EIF2AK2: variants seen among roughly 807,000 people sequenced by gnomAD.
EIF2AK2 encodes the protein interferon-induced, double-stranded RNA-activated protein kinase.
A neutral mutation model predicts 70.5 loss-of-function variants in EIF2AK2; 40 were observed. That is an observed-to-expected ratio of 0.57 (90% CI 0.44 to 0.74). EIF2AK2 has a LOEUF of 0.74. EIF2AK2 is among the 30% of genes least tolerant of loss of function. The pLI is 0.00. For synonymous variants in EIF2AK2, 198 were observed against 220.9 expected (o/e 0.90, Z 0.92); for missense variants, 555 against 644.3 (o/e 0.86, Z 1.50).
At chr2:37,146,627 G>A (rs1419886128) in intron 4 of EIF2AK2, among the ~76,000 whole-genome samples, 1 of 152,142 alleles carries the variant, frequency 6.6e-6, no homozygotes. Context: ...TTTAACTGCT[G>A]CTGACACTCT....
At chr2:37,155,652 T>C (rs934510596) in intron 1 of EIF2AK2, among the ~76,000 whole-genome samples, 3 of 152,174 alleles carry the variant, frequency 2.0e-5, no homozygotes, top group Non-Finnish European at 4.4e-5. Context: ...GAAACCTCCA[T>C]CATAATCACT....
chr2:37,119,579 C>T (rs1674463186), intron 13 of EIF2AK2, among the ~76,000 whole-genome samples: 2 of 151,256 alleles, frequency 1.3e-5, no homozygotes, highest in South Asian at 4.2e-4. Context: ...ATCTATCTAT[C>T]TTATTTTATA....
At chr2:37,129,954 C>A (rs904567754) in intron 10 of EIF2AK2, among the ~76,000 whole-genome samples, 1 of 152,194 alleles carries the variant, frequency 6.6e-6, no homozygotes, top group Non-Finnish European at 1.5e-5. Context: ...GTATGGAACA[C>A]TGACTCCCCC....
intron 6 of EIF2AK2, among the ~76,000 whole-genome samples, chr2:37,139,356 C>G (rs1675246342): frequency 6.6e-6 from 1 of 151,814 alleles, no homozygotes; most frequent in African/African-American, 2.4e-5. Flanking sequence ...GGAGATCCAC[C>G]TGCCTTGGCC....
chr2:37,116,699 G>C (rs1321649257), intron 13 of EIF2AK2, among the ~76,000 whole-genome samples: 4 of 152,234 alleles, frequency 2.6e-5, no homozygotes, highest in Non-Finnish European at 5.9e-5. Context: ...GAAAGCTGTA[G>C]ACAGATGTGG....
At chr2:37,145,818 C>G (rs370575762) in intron 4 of EIF2AK2, among the ~76,000 whole-genome samples, 1 of 129,232 alleles carries the variant, frequency 7.7e-6, no homozygotes, top group African/African-American at 2.9e-5. Context: ...AGTGGCACAA[C>G]CTCAGCTCAC....
intron 1 of EIF2AK2, among the ~76,000 whole-genome samples, chr2:37,154,337 C>A (rs537719784): frequency 0.011 from 1,554 of 138,570 alleles, 27 homozygotes; most frequent in African/African-American, 0.036. Flanking sequence ...AAAAAAAAAA[C>A]AAAAACAAAA....
intron 4 of EIF2AK2, among the ~76,000 whole-genome samples, chr2:37,142,263 T>G (rs1200231451): frequency 6.6e-6 from 1 of 152,110 alleles, no homozygotes; most frequent in African/African-American, 2.4e-5. Context: ...CACAAGCACC[T>G]GGAACTACAG....
intron 9 of EIF2AK2, 38 bp downstream of exon 9, chr2:37,136,945 T>C: frequency 6.4e-7 from 1 of 1,573,476 alleles, no homozygotes; most frequent in Non-Finnish European, 8.6e-7. Context: ...GAAATAAAAC[T>C]TCAGATCAAA....
chr2:37,136,150 TG>T (rs1675120156), intron 9 of EIF2AK2, among the ~76,000 whole-genome samples: 1 of 152,188 alleles, frequency 6.6e-6, no homozygotes, highest in Admixed American at 6.5e-5. Context: ...CACCTGCAAA[TG>T]GAAGTTTAAA....
intron 10 of EIF2AK2, among the ~76,000 whole-genome samples, chr2:37,133,754 G>A (rs1423933911): frequency 2.6e-5 from 4 of 152,110 alleles, no homozygotes; most frequent in Non-Finnish European, 4.4e-5. Context: ...AACTTTCATT[G>A]CTTCCTAACT....
intron 11 of EIF2AK2, among the ~76,000 whole-genome samples, chr2:37,123,134 C>T (rs1393201873): frequency 1.3e-5 from 2 of 151,860 alleles, no homozygotes; most frequent in Non-Finnish European, 2.9e-5. Context: ...CACCACTGCA[C>T]TCCAGCCTGG....
chr2:37,137,558 C>T (rs1408760914), intron 8 of EIF2AK2, among the ~76,000 whole-genome samples: 3 of 152,218 alleles, frequency 2.0e-5, no homozygotes, highest in African/African-American at 7.2e-5. Context: ...ATCCTCCTAC[C>T]TTGGCCTCTC....
At chr2:37,138,648 A>C (rs1316542881) in intron 6 of EIF2AK2, 63 bp from the exon 7 acceptor site, 4 of 1,393,468 alleles carry the variant, frequency 2.9e-6, no homozygotes, top group Non-Finnish European at 4.0e-6. Context: ...ACAGAGGCTC[A>C]GTTTCTATGT....
intron 12 of EIF2AK2, 142 bp downstream of exon 12, chr2:37,122,364 G>A (rs550537145): frequency 1.1e-5 from 10 of 947,180 alleles, no homozygotes; most frequent in South Asian, 5.4e-5. Context: ...CCTTACCTTC[G>A]GAATGGAGAG....
At chr2:37,123,026 G>A (rs1674609225) in intron 11 of EIF2AK2, among the ~76,000 whole-genome samples, 1 of 151,944 alleles carries the variant, frequency 6.6e-6, no homozygotes, top group Middle Eastern at 3.4e-3. Context: ...AATTTAGCTG[G>A]GCACAGTGGC....
chr2:37,122,489 A>G lies in EIF2AK2; in HGVS notation c.1067+17T>C. 2 of 1,611,704 alleles carry G rather than the reference A, an allele frequency of 1.2e-6. No homozygotes were observed. The highest frequency in any genetic ancestry group is 1.7e-6 in the Non-Finnish European group (2 of 1,179,368). On this transcript the variant is annotated intron_variant, in intron 12 of 16. Coordinates refer to ENST00000233057, the MANE Select transcript of EIF2AK2 (RefSeq NM_001135651.3). Reference sequence around the variant, plus strand: ...CCTTCCATCCTATTATGGCTATGAGAATTTATTTTTAGTTACCTTGAACTA... The same window carrying G: ...CCTTCCATCCTATTATGGCTATGAGGATTTATTTTTAGTTACCTTGAACTA...
intron 14 of EIF2AK2, among the ~76,000 whole-genome samples, chr2:37,111,171 C>T (rs6544054): frequency 0.038 from 5,829 of 152,100 alleles, 157 homozygotes; most frequent in Non-Finnish European, 0.055. Flanking sequence ...AGTTCTTTAA[C>T]GGGTGTAAAG....
At position 37,099,315 on chromosome 2, in the gene EIF2AK2, A is replaced by C. The variant is rs1312886647; in HGVS notation, c.*7958T>G. On this transcript the variant is annotated 3_prime_UTR_variant, in exon 17 of 17. Transcript: ENST00000233057. The stretch of plus-strand genomic sequence containing the variant: ...TTTATTAGACACATTTTATAGGCTC[A>C]TTCAAAATTCTTAACTTTTGAGTTC... 1 of 152,240 alleles carries C rather than the reference A, an allele frequency of 6.6e-6. No individual in the cohort carries two copies. Among genetic ancestry groups the C allele is most frequent in the African/African-American group, 2.4e-5 (1 of 41,470 alleles). 9.4% of individuals were successfully genotyped at this position (152,240 alleles called of 1,614,324 possible).
Sources: gnomAD v4.1 joint callset for allele counts (sites outside exome capture counted in the v4.1 genomes callset) on GRCh38, gnomAD v4.1.1 for gene constraint, MANE v1.5 for transcripts, NCBI Gene and HGNC (gene_info 2026-07-23, HGNC 2026-07-21) for gene names.